The following FRYL variants were observed in gnomAD, a reference collection of about 807,000 sequenced individuals.
The protein encoded by FRYL is protein furry homolog-like.
FRYL carries 150 observed loss-of-function variants against 351.2 expected under a neutral mutation model. That is an observed-to-expected ratio of 0.43 (90% CI 0.37 to 0.49). FRYL has a LOEUF of 0.49. Ranked by LOEUF, FRYL falls within the 20% of genes least tolerant of loss-of-function variation. The probability of loss-of-function intolerance (pLI) is 0.00; values close to 1 mark genes in which losing one functional copy is unlikely to be tolerated. For missense variants in FRYL, 3,036 were observed against 3,619.3 expected, an observed-to-expected ratio of 0.84 and a Z score of 4.13; for synonymous variants, 1,153 against 1,257.1, an observed-to-expected ratio of 0.92 and a Z score of 1.75.
chr4:48,620,897 CT>C (rs1458422690), intron 5 of FRYL, 119 bp from the exon 6 acceptor site: 1 of 895,742 alleles, frequency 1.1e-6, no homozygotes, highest in Admixed American at 2.8e-5. Flanking sequence ...AATAAATGTG[CT>C]TTAAAATTAA....
At chr4:48,627,134 T>A (rs984131243) in intron 4 of FRYL, among the ~76,000 whole-genome samples, 3 of 152,210 alleles carry the variant, frequency 2.0e-5, no homozygotes, top group African/African-American at 4.8e-5. Context: ...GTATGTCTCA[T>A]AATAAGTCCT....
chr4:48,679,921 T>G (rs1764356846), intron 3 of FRYL, among the ~76,000 whole-genome samples: 1 of 152,052 alleles, frequency 6.6e-6, no homozygotes, highest in African/African-American at 2.4e-5. Context: ...ATAATTATTT[T>G]TAATAACTAA....
At chr4:48,532,416 G>A (rs1185421889) in intron 49 of FRYL, among the ~76,000 whole-genome samples, 2 of 152,196 alleles carry the variant, frequency 1.3e-5, no homozygotes, top group African/African-American at 4.8e-5. Context: ...CCAGTACTTT[G>A]GGGGGCCAAT....
rs200854687 is a variant in FRYL at position 48,553,224 on chromosome 4, C to T, written c.4426G>A (p.Val1476Ile). 4.1e-5 allele frequency: 66 copies of T among 1,610,642 alleles called. 1 individual carries two copies. In the Admixed American group the frequency reaches 5.7e-4, roughly 14 times the overall value. Reference sequence around the variant, plus strand: ...TTAACAAATTTCTCACCTGAGGTGACAGAAGGGATTTTATAGCTGGAAGTG... The same window carrying T: ...TTAACAAATTTCTCACCTGAGGTGATAGAAGGGATTTTATAGCTGGAAGTG... ...RITSSYKIPS[V>I]TSGTTSSSNT... is the part of the protein sequence containing the mutation. Residue 1476 changes from valine to isoleucine, a missense_variant, in exon 36 of 64, where the codon GTC (valine) becomes ATC (isoleucine). Physicochemically the swap from Val to Ile is conservative, Grantham distance 29 (BLOSUM62 3). Transcript: ENST00000358350.
chr4:48,655,938 T>C (rs1279556613), intron 3 of FRYL, among the ~76,000 whole-genome samples: 2 of 139,540 alleles, frequency 1.4e-5, no homozygotes, highest in Non-Finnish European at 3.0e-5. Context: ...ATGTACATTA[T>C]ATGCGTAATT....
intron 19 of FRYL, among the ~76,000 whole-genome samples, chr4:48,584,915 T>C (rs1357863883): frequency 2.6e-5 from 4 of 152,188 alleles, no homozygotes; most frequent in Admixed American, 6.5e-5. Flanking sequence ...TTCCTTTCCA[T>C]TGAGGTAAAT....
chr4:48,515,673 C>T (rs1219728687), intron 55 of FRYL, among the ~76,000 whole-genome samples: 1 of 152,052 alleles, frequency 6.6e-6, no homozygotes, highest in Non-Finnish European at 1.5e-5. Flanking sequence ...CACCCGGCCA[C>T]TTTTATAGTT....
chr4:48,633,702 C>G (rs187767658), intron 4 of FRYL, among the ~76,000 whole-genome samples: 175 of 152,260 alleles, frequency 1.1e-3, no homozygotes, highest in African/African-American at 4.1e-3. Flanking sequence ...TCTGTTATTT[C>G]TCTTACTTTC....
At chr4:48,636,126 C>T (rs1021093517) in intron 3 of FRYL, among the ~76,000 whole-genome samples, 5 of 151,962 alleles carry the variant, frequency 3.3e-5, no homozygotes, top group Non-Finnish European at 5.9e-5. Context: ...TAACTCAAAA[C>T]AAAAACTCAC....
chr4:48,675,770 G>T (rs1254571612), intron 3 of FRYL, among the ~76,000 whole-genome samples: 1 of 152,244 alleles, frequency 6.6e-6, no homozygotes, highest in Non-Finnish European at 1.5e-5. Context: ...TGCAGCCCCT[G>T]TGCAGGATCC....
chr4:48,526,945 G>A (rs1167146642), intron 53 of FRYL, among the ~76,000 whole-genome samples: 1 of 152,188 alleles, frequency 6.6e-6, no homozygotes, highest in African/African-American at 2.4e-5. Flanking sequence ...ATTTGCCAAA[G>A]GGAAGAGTTC....
At chr4:48,556,730 T>G (rs1289147843) in intron 35 of FRYL, among the ~76,000 whole-genome samples, 2 of 152,116 alleles carry the variant, frequency 1.3e-5, no homozygotes, top group East Asian at 3.9e-4. Context: ...CAGATGTAGC[T>G]TCAACAAATA....
chr4:48,725,045 A>T (rs998721220), intron 1 of FRYL, among the ~76,000 whole-genome samples: 1 of 152,260 alleles, frequency 6.6e-6, no homozygotes, highest in Admixed American at 6.5e-5. Context: ...CTGTTCCATT[A>T]TCCCTCAAGA....
At chr4:48,592,082 TTATATATATATATATATATATA>T (rs56320005) in intron 16 of FRYL, among the ~76,000 whole-genome samples, 6 of 116,192 alleles carry the variant, frequency 5.2e-5, no homozygotes, top group South Asian at 2.9e-4. Context: ...AATAAAGCTC[TTATATATATATATATATATATA>T]TATATATATA....
At chr4:48,539,661 A>C (rs1050010113) in intron 47 of FRYL, among the ~76,000 whole-genome samples, 1 of 152,132 alleles carries the variant, frequency 6.6e-6, no homozygotes, top group African/African-American at 2.4e-5. Context: ...TGCTCAGTAA[A>C]TATTTGGTAG....
chr4:48,507,564 G>A (rs1216908658), intron 59 of FRYL, among the ~76,000 whole-genome samples: 2 of 151,950 alleles, frequency 1.3e-5, no homozygotes, highest in Non-Finnish European at 2.9e-5. Flanking sequence ...AAGTACCGGA[G>A]TGAGCCCAAT....
chr4:48,620,459 C>G (rs1750437711), intron 6 of FRYL, among the ~76,000 whole-genome samples, 180 bp downstream of exon 6: 1 of 152,170 alleles, frequency 6.6e-6, no homozygotes, highest in Non-Finnish European at 1.5e-5. Context: ...TAACTGGTAC[C>G]TTCTCTTGAT....
At chr4:48,694,815 T>C (rs1765999416) in intron 2 of FRYL, among the ~76,000 whole-genome samples, 1 of 152,164 alleles carries the variant, frequency 6.6e-6, no homozygotes, top group Admixed American at 6.5e-5. Flanking sequence ...CTCACTCCTG[T>C]AATCTCAGCA....
intron 1 of FRYL, among the ~76,000 whole-genome samples, chr4:48,737,224 C>T (rs1422029045): frequency 6.8e-6 from 1 of 146,038 alleles, no homozygotes; most frequent in African/African-American, 2.5e-5. Context: ...TGCCACTGCA[C>T]TCCAGCCTGG....
Sources: allele counts gnomAD v4.1 joint callset (sites outside exome capture counted in the v4.1 genomes callset), GRCh38; gene constraint gnomAD v4.1.1; transcripts MANE v1.5; gene names NCBI Gene and HGNC (gene_info 2026-07-23, HGNC 2026-07-21).